Variants in PCGF3 observed in about 807,000 individuals in gnomAD.
The protein encoded by PCGF3 is polycomb group ring finger 3.
PCGF3 carries 7 observed loss-of-function variants against 33.1 expected under a neutral mutation model. The ratio of observed to expected loss-of-function variants is 0.21; its 90% CI spans 0.12 to 0.40. PCGF3 has a LOEUF of 0.40. Ranked by LOEUF, PCGF3 falls within the 10% of genes least tolerant of loss-of-function variation. PCGF3 has a pLI of 1.00. For missense variants in PCGF3, 211 were observed against 313.3 expected (o/e 0.67, Z 2.46); for synonymous variants, 153 against 121.3 (o/e 1.26, Z -1.72).
rs1268822876 is a variant in PCGF3 at position 734,241 on chromosome 4, AGT to A, written c.109+456_109+457del. Reference sequence around the variant, plus strand: ...GGGGCTGGACCTGAGTGTTTTTCTAAGTGTGGCTACCGCTGACGGGCAGGTGC... The same window carrying A: ...GGGGCTGGACCTGAGTGTTTTTCTAAGTGGCTACCGCTGACGGGCAGGTGC... On this transcript the variant is annotated intron_variant, in intron 4 of 10. Coordinates refer to ENST00000362003, the Ensembl canonical transcript of PCGF3. 4.0e-6 allele frequency: 6 copies of A among 1,495,158 alleles called. No homozygotes were observed. The East Asian group carries it at 1.5e-4, about 37-fold the overall frequency. 92.6% of individuals were successfully genotyped at this position (1,495,158 alleles called of 1,614,324 possible).
At chr4:722,675 G>A (rs1192995149) in intron 1 of PCGF3, among the ~76,000 whole-genome samples, 6 of 130,156 alleles carry the variant, frequency 4.6e-5, no homozygotes, top group African/African-American at 1.8e-4. Context: ...TGTCTGCGCT[G>A]GGTCCACACT....
In PCGF3 at chr4:709,745, A is replaced by G. The variant is rs190372932; in HGVS notation, c.-190+3775A>G. 4.1e-3 allele frequency among the ~76,000 whole-genome samples: 621 copies of G among 152,328 alleles called. 3 individuals carry two copies. Among genetic ancestry groups the G allele is most frequent in the Non-Finnish European group, 7.9e-3 (538 of 68,024 alleles). ...GGGATTTCATCTTTGCCACAGCTTC[A>G]CTTCTTGGTTACTTAGGAGAAAACC... is the stretch of plus-strand genomic sequence containing the variant. On this transcript the variant is annotated intron_variant, in intron 1 of 10. Coordinates refer to ENST00000362003, the Ensembl canonical transcript of PCGF3.
intron 1 of PCGF3, among the ~76,000 whole-genome samples, 165 bp downstream of exon 1, chr4:706,135 C>G (rs1428904434): frequency 6.6e-6 from 1 of 152,260 alleles, no homozygotes; most frequent in Non-Finnish European, 1.5e-5. Flanking sequence ...GGCCGGCACC[C>G]CAGCCCAGTC....
intron 1 of PCGF3, among the ~76,000 whole-genome samples, chr4:711,309 G>GT (rs1262028339): frequency 6.6e-6 from 1 of 152,106 alleles, no homozygotes; most frequent in South Asian, 2.1e-4. Context: ...CTTTACTTGG[G>GT]TTTTTTTATT....
chr4:766,090 A>C (rs1182533539), exon 11 of PCGF3: 1 of 1,613,404 alleles, frequency 6.2e-7, no homozygotes, highest in South Asian at 1.1e-5. Flanking sequence ...ATGGTGCCAC[A>C]CAGCGCCCAC....
At chr4:727,092 G>A (rs984403126) in intron 1 of PCGF3, among the ~76,000 whole-genome samples, 6 of 151,840 alleles carry the variant, frequency 4.0e-5, no homozygotes, top group Admixed American at 2.6e-4. Context: ...GCATCTGCGT[G>A]GGGAGGGGTT....
chr4:760,696 C>G (rs4690282), intron 8 of PCGF3, among the ~76,000 whole-genome samples: 1 of 152,156 alleles, frequency 6.6e-6, no homozygotes, highest in Non-Finnish European at 1.5e-5. Flanking sequence ...CCAAGCCGGC[C>G]GGGCCCTTGG....
At chr4:706,904 C>T (rs1321997841) in intron 1 of PCGF3, among the ~76,000 whole-genome samples, 1 of 139,650 alleles carries the variant, frequency 7.2e-6, no homozygotes, top group East Asian at 2.2e-4. Flanking sequence ...GGCGAAGACC[C>T]CAGACCAGGC....
intron 5 of PCGF3, among the ~76,000 whole-genome samples, chr4:735,844 G>A (rs1339877139): frequency 3.3e-5 from 5 of 152,168 alleles, no homozygotes; most frequent in Admixed American, 2.6e-4. Context: ...TTGCCTGGAC[G>A]TCAGCAGGAG....
intron 6 of PCGF3, among the ~76,000 whole-genome samples, chr4:739,710 C>T (rs78036858): frequency 0.047 from 7,090 of 152,344 alleles, 209 homozygotes; most frequent in Middle Eastern, 0.1. Flanking sequence ...ATGCCACCTC[C>T]GTTCCATCGC....
chr4:710,714 C>A (rs1003689294), intron 1 of PCGF3, among the ~76,000 whole-genome samples: 1 of 152,146 alleles, frequency 6.6e-6, no homozygotes, highest in African/African-American at 2.4e-5. Context: ...AATTAACTTG[C>A]AATTTGGCAT....
At chr4:731,554 C>CTCCT (rs1743562449) in intron 3 of PCGF3, among the ~76,000 whole-genome samples, 4 of 120,784 alleles carry the variant, frequency 3.3e-5, no homozygotes, top group African/African-American at 6.0e-5. Context: ...GGGCGGGGCT[C>CTCCT]CCCCTCCCGT....
intron 6 of PCGF3, among the ~76,000 whole-genome samples, chr4:740,750 A>C (rs1425967453): frequency 6.6e-6 from 1 of 152,206 alleles, no homozygotes; most frequent in Non-Finnish European, 1.5e-5. Context: ...GTGATAATTT[A>C]AGAATTGAAA....
At chr4:766,103 A>T (rs540561961) in exon 11 of PCGF3, 1 of 1,611,604 alleles carries the variant, frequency 6.2e-7, no homozygotes, top group Admixed American at 1.7e-5. Flanking sequence ...GCGCCCACAG[A>T]CTGGGCCCTC....
chr4:741,184 A>T (rs1744075313), intron 6 of PCGF3, among the ~76,000 whole-genome samples: 1 of 152,190 alleles, frequency 6.6e-6, no homozygotes, highest in Non-Finnish European at 1.5e-5. Flanking sequence ...AATATTCCCT[A>T]CTCACAGGAA....
chr4:716,861 G>A (rs1742874103), intron 1 of PCGF3, among the ~76,000 whole-genome samples: 1 of 146,112 alleles, frequency 6.8e-6, no homozygotes, highest in Admixed American at 6.8e-5. Context: ...GACACTGTGA[G>A]TGTGAGAACT....
intron 1 of PCGF3, among the ~76,000 whole-genome samples, chr4:723,009 C>T (rs905276526): frequency 7.0e-6 from 1 of 143,792 alleles, no homozygotes; most frequent in Non-Finnish European, 1.5e-5. Flanking sequence ...GGTCCACATT[C>T]GCGTCATCGC....
chr4:710,228 G>T (rs774006661), intron 1 of PCGF3, among the ~76,000 whole-genome samples: 6 of 152,218 alleles, frequency 3.9e-5, no homozygotes, highest in Non-Finnish European at 7.3e-5. Context: ...TCCTCTGAAG[G>T]CTGGACTGGG....
Position 721,274 on chromosome 4 carries a change from G to A in PCGF3, c.-189-9356G>A, listed in dbSNP as rs1743064989. 6.6e-6 allele frequency among the ~76,000 whole-genome samples: 1 copy of A among 152,216 alleles called. No homozygotes were observed. Among genetic ancestry groups the A allele is most frequent in the African/African-American group, 2.4e-5 (1 of 41,460 alleles). On this transcript the variant is annotated intron_variant, in intron 1 of 10. Transcript: ENST00000362003. The surrounding 1 kb of genome is among the most constrained non-coding windows in gnomAD (Gnocchi z 4.1). ...AGCTTTGTGCCTGTGAATCTCAGGA[G>A]CTGTTTTCTGGAAAGTTCCATAACT...
Sources: allele counts gnomAD v4.1 joint callset (sites outside exome capture counted in the v4.1 genomes callset), GRCh38; gene constraint gnomAD v4.1.1; non-coding constraint Gnocchi (gnomAD v3.1); transcripts MANE v1.5; gene names NCBI Gene and HGNC (gene_info 2026-07-23, HGNC 2026-07-21).